The following FOXP1 variants were observed in gnomAD, a reference collection of about 807,000 sequenced individuals.
The protein encoded by FOXP1 is forkhead box P1.
Under a neutral mutation model 98.2 loss-of-function variants are expected in FOXP1, and 15 were observed. That is an observed-to-expected ratio of 0.15 (90% CI 0.10 to 0.24). The LOEUF is 0.24. FOXP1 is among the 10% of genes least tolerant of loss of function. The probability of loss-of-function intolerance (pLI) is 1.00; values close to 1 mark genes in which losing one functional copy is unlikely to be tolerated. For synonymous variants in FOXP1, 371 were observed against 314.5 expected, an observed-to-expected ratio of 1.18 and a Z score of -1.90; for missense variants, 633 against 848.5, an observed-to-expected ratio of 0.75 and a Z score of 3.15.
At chr3:70,970,967 G>C in intron 18 of FOXP1, 162 bp from the exon 19 acceptor site, 1 of 670,480 alleles carries the variant, frequency 1.5e-6, no homozygotes, top group Non-Finnish European at 2.7e-6. Flanking sequence ...TGATTTGCAG[G>C]GCGGGTGTGT....
In FOXP1 at chr3:70,958,736, G is replaced by GAAAAA. The variant is rs2032469786; in HGVS notation, c.*510_*511insTTTTT. The GAAAAA allele has an allele frequency of 5.9e-5, 1 of 16,912 alleles. No homozygotes were observed. Among genetic ancestry groups the GAAAAA allele is most frequent in the Non-Finnish European group, 1.1e-4 (1 of 9,132 alleles). 1.0% of individuals were successfully genotyped at this position (16,912 alleles called of 1,614,324 possible). A position where few individuals can be genotyped will look rare whatever the true frequency, so the allele number is the denominator to read the frequency against. ...AAGGCCTTCCCCATCCCAACTGGAA[G>GAAAAA]CAAAAAAAAAAAAAAAAAAAAAAAA... is the stretch of plus-strand genomic sequence containing the variant. On this transcript the variant is annotated 3_prime_UTR_variant, in exon 21 of 21. Transcript: ENST00000649528.
chr3:71,001,127 A>T, intron 12 of FOXP1, 68 bp from the exon 13 acceptor site: 2 of 1,255,522 alleles, frequency 1.6e-6, no homozygotes, highest in South Asian at 1.2e-5. Context: ...AGTTACCAGG[A>T]TGTTTAAGCA....
chr3:71,366,863 T>C (rs1295268135), intron 3 of FOXP1, among the ~76,000 whole-genome samples: 1 of 152,232 alleles, frequency 6.6e-6, no homozygotes, highest in Non-Finnish European at 1.5e-5. Context: ...CCTAAATAAA[T>C]TAAATTTTCA....
intron 4 of FOXP1, among the ~76,000 whole-genome samples, chr3:71,354,517 A>C (rs1206248730): frequency 6.6e-6 from 1 of 152,254 alleles, no homozygotes; most frequent in Non-Finnish European, 1.5e-5. Flanking sequence ...TACCTGAGAC[A>C]GGTCATGAGC....
Position 71,465,084 on chromosome 3 carries a change from G to C in FOXP1, c.-168+28342C>G, listed in dbSNP as rs148516269. Reference sequence around the variant, plus strand: ...GCACTTTGGGAGTCCGAGGTAGGCGGATCACCTGAGGTCAGGAGTTCAAGA... The same window carrying C: ...GCACTTTGGGAGTCCGAGGTAGGCGCATCACCTGAGGTCAGGAGTTCAAGA... On this transcript the variant is annotated intron_variant, in intron 3 of 20. Transcript: ENST00000649528. Among the ~76,000 whole-genome samples, 39 of 152,174 alleles carry C rather than the reference G, an allele frequency of 2.6e-4. No individual in the cohort carries two copies. In the East Asian group the frequency reaches 7.0e-3, roughly 27 times the overall value.
intron 14 of FOXP1, among the ~76,000 whole-genome samples, chr3:70,981,987 T>C (rs1380223037): frequency 1.3e-5 from 2 of 152,202 alleles, no homozygotes; most frequent in African/African-American, 2.4e-5. Context: ...CCTTGTCAAC[T>C]GGTACAGAAG....
chr3:71,469,261 A>C (rs577145655), intron 3 of FOXP1, among the ~76,000 whole-genome samples: 1 of 152,346 alleles, frequency 6.6e-6, no homozygotes, highest in South Asian at 2.1e-4. Flanking sequence ...ACCCAAACCC[A>C]AAACAACACT....
chr3:71,464,103 C>T (rs115028143), intron 3 of FOXP1, among the ~76,000 whole-genome samples: 2,203 of 152,280 alleles, frequency 0.014, 20 homozygotes, highest in Middle Eastern at 0.058. Context: ...CATAGGGAGA[C>T]GCCATCTCTA....
chr3:71,042,138 ATGCTTAATTGATGGATG>A (rs1208298175), intron 10 of FOXP1, among the ~76,000 whole-genome samples: 1 of 152,194 alleles, frequency 6.6e-6, no homozygotes, highest in Non-Finnish European at 1.5e-5. Context: ...CTAGTACCAC[ATGCTTAATTGATGGATG>A]TGTCTACTGA....
chr3:71,063,733 G>A (rs1396632781), intron 7 of FOXP1, among the ~76,000 whole-genome samples: 1 of 152,148 alleles, frequency 6.6e-6, no homozygotes, highest in Non-Finnish European at 1.5e-5. Context: ...GGAATCTATG[G>A]AAATGAGGTG....
chr3:71,340,448 G>A (rs1204723282), intron 4 of FOXP1, among the ~76,000 whole-genome samples: 1 of 152,162 alleles, frequency 6.6e-6, no homozygotes, highest in Non-Finnish European at 1.5e-5. Context: ...TATGACAGAT[G>A]CACCTGGAGT....
intron 11 of FOXP1, chr3:71,040,461 G>C (rs1315633816): frequency 6.6e-6 from 1 of 152,044 alleles, no homozygotes; most frequent in Non-Finnish European, 1.5e-5. Context: ...TCAATTTTAG[G>C]GGCATTGTAT....
At chr3:71,038,423 C>T (rs571002021) in intron 11 of FOXP1, among the ~76,000 whole-genome samples, 25 of 152,202 alleles carry the variant, frequency 1.6e-4, no homozygotes, top group African/African-American at 3.6e-4. Flanking sequence ...TGGAAGGACA[C>T]GTATTTCACA....
chr3:71,521,232 T>C (rs2042960662), intron 2 of FOXP1, among the ~76,000 whole-genome samples: 1 of 151,710 alleles, frequency 6.6e-6, no homozygotes, highest in Non-Finnish European at 1.5e-5. Flanking sequence ...CTGAAGTAAA[T>C]ATAAGAAGGG....
chr3:71,332,821 C>T (rs1416057479), intron 4 of FOXP1: 3 of 152,194 alleles, frequency 2.0e-5, no homozygotes, highest in African/African-American at 7.2e-5. Flanking sequence ...AGACTAGCCT[C>T]AAGTCCTACA....
At chr3:71,366,333 G>A (rs976134845) in intron 3 of FOXP1, among the ~76,000 whole-genome samples, 2 of 152,078 alleles carry the variant, frequency 1.3e-5, no homozygotes, top group African/African-American at 4.8e-5. Context: ...GCAAGTAAAT[G>A]ATAATCCAGT....
At chr3:71,485,871 AGGAATATTTTGGAGAAAATTTTTGGAG>A (rs2090610888) in intron 3 of FOXP1, among the ~76,000 whole-genome samples, 1 of 152,028 alleles carries the variant, frequency 6.6e-6, no homozygotes, top group Non-Finnish European at 1.5e-5. Context: ...CCAGGAGGTG[AGGAATATTTTGGAGAAAATTTTTGGAG>A]GAAGCCATTC....
At chr3:71,042,669 C>T (rs1559796207) in intron 10 of FOXP1, among the ~76,000 whole-genome samples, 1 of 152,148 alleles carries the variant, frequency 6.6e-6, no homozygotes, top group Non-Finnish European at 1.5e-5. Flanking sequence ...CCCAGAAAGC[C>T]TGCCATTTTC....
chr3:71,411,607 C>A (rs1560447361), intron 3 of FOXP1, among the ~76,000 whole-genome samples: 1 of 152,218 alleles, frequency 6.6e-6, no homozygotes, highest in Non-Finnish European at 1.5e-5. Context: ...CAGGCATGAG[C>A]CACTGCGCCC....
Sources: allele counts gnomAD v4.1 joint callset (sites outside exome capture counted in the v4.1 genomes callset), GRCh38; gene constraint gnomAD v4.1.1; transcripts MANE v1.5; gene names NCBI Gene and HGNC (gene_info 2026-07-23, HGNC 2026-07-21).